Variants in STXBP5L observed in about 807,000 individuals in gnomAD.
STXBP5L encodes the protein syntaxin binding protein 5L.
Under a neutral mutation model 144.5 loss-of-function variants are expected in STXBP5L, and 65 were observed. That is an observed-to-expected ratio of 0.45 (90% CI 0.37 to 0.55). STXBP5L has a LOEUF of 0.55. Among genes scored for constraint, STXBP5L ranks in the 20% least tolerant of loss-of-function variants. The pLI is 0.00. For missense variants in STXBP5L, 1,298 were observed against 1,405.5 expected (o/e 0.92, Z 1.22); for synonymous variants, 505 against 469.6 (o/e 1.08, Z -0.97).
chr3:120,932,494 T>G (rs540428752), intron 2 of STXBP5L, among the ~76,000 whole-genome samples: 4 of 152,260 alleles, frequency 2.6e-5, no homozygotes, highest in African/African-American at 9.6e-5. Context: ...ATTTTTTGTG[T>G]AGCTAGGTGA....
intron 20 of STXBP5L, among the ~76,000 whole-genome samples, chr3:121,348,835 G>T (rs1220777184): frequency 2.0e-5 from 3 of 151,876 alleles, no homozygotes; most frequent in African/African-American, 4.8e-5. Context: ...GCATCTATTT[G>T]ATTCTTCTCT....
chr3:120,990,074 A>C (rs552954106), intron 3 of STXBP5L, among the ~76,000 whole-genome samples: 39 of 152,280 alleles, frequency 2.6e-4, no homozygotes, highest in African/African-American at 7.7e-4. Flanking sequence ...GTCTCAGCCC[A>C]AAATCTCCTT....
intron 3 of STXBP5L, among the ~76,000 whole-genome samples, chr3:121,021,125 T>C (rs961096519): frequency 6.6e-6 from 1 of 151,918 alleles, no homozygotes; most frequent in African/African-American, 2.4e-5. Context: ...AGCTATTTTT[T>C]AATATCAGAC....
At chr3:121,168,566 T>C (rs984204724) in intron 9 of STXBP5L, among the ~76,000 whole-genome samples, 1 of 152,108 alleles carries the variant, frequency 6.6e-6, no homozygotes, top group African/African-American at 2.4e-5. Flanking sequence ...ATAGCTGAAC[T>C]GATCAAGTGT....
chr3:121,345,711 T>C (rs1469128851), intron 20 of STXBP5L, among the ~76,000 whole-genome samples: 1 of 152,164 alleles, frequency 6.6e-6, no homozygotes, highest in African/African-American at 2.4e-5. Flanking sequence ...CTAACTGGCA[T>C]GAGATGGTAT....
chr3:121,318,837 A>G (rs1421578020), intron 20 of STXBP5L, among the ~76,000 whole-genome samples: 1 of 152,204 alleles, frequency 6.6e-6, no homozygotes, highest in Non-Finnish European at 1.5e-5. Context: ...GTATTGAATA[A>G]AAATTGGTGA....
chr3:121,232,687 A>G (rs2049346372), intron 11 of STXBP5L, among the ~76,000 whole-genome samples: 1 of 152,172 alleles, frequency 6.6e-6, no homozygotes, highest in Non-Finnish European at 1.5e-5. Flanking sequence ...CCCATGCACA[A>G]TGGAAAGCCA....
At chr3:120,926,356 C>CTTTTTT in intron 2 of STXBP5L, among the ~76,000 whole-genome samples, 2 of 139,740 alleles carry the variant, frequency 1.4e-5, no homozygotes, top group African/African-American at 2.6e-5. Context: ...GATGGCAGTT[C>CTTTTTT]TTTTTTTTTT....
chr3:121,331,169 A>G lies in STXBP5L; in HGVS notation c.2176+12629A>G, dbSNP rs557889145. Among the ~76,000 whole-genome samples, 40 of 152,342 alleles carry G rather than the reference A, an allele frequency of 2.6e-4. 1 individual carries two copies. The South Asian group carries it at 8.1e-3, about 31-fold the overall frequency. On this transcript the variant is annotated intron_variant, in intron 20 of 26. Transcript: ENST00000471454. ...AGAATCCAGATGGCAGGTCTTGAGT[A>G]CCAAACTTTCCACATGTGGGAAGTT...
At chr3:121,178,105 G>A (rs2047005601) in intron 9 of STXBP5L, among the ~76,000 whole-genome samples, 1 of 152,148 alleles carries the variant, frequency 6.6e-6, no homozygotes, top group African/African-American at 2.4e-5. Flanking sequence ...GAGAATGGTG[G>A]TTGCCAGAGG....
chr3:121,031,857 A>G (rs1178102074), intron 3 of STXBP5L, among the ~76,000 whole-genome samples: 1 of 152,118 alleles, frequency 6.6e-6, no homozygotes, highest in Non-Finnish European at 1.5e-5. Context: ...ATTGACTAAC[A>G]TAATATGCTG....
chr3:121,031,280 C>T (rs1414106297), intron 3 of STXBP5L, among the ~76,000 whole-genome samples: 1 of 151,922 alleles, frequency 6.6e-6, no homozygotes, highest in Non-Finnish European at 1.5e-5. Flanking sequence ...GAATACACAA[C>T]AATAGGATGT....
intron 10 of STXBP5L, among the ~76,000 whole-genome samples, chr3:121,217,198 T>C (rs2048808566): frequency 6.6e-6 from 1 of 152,168 alleles, no homozygotes; most frequent in Admixed American, 6.5e-5. Context: ...AATGGTTCTG[T>C]CTTGCTGGCA....
chr3:120,953,253 A>G (rs1937640643), intron 2 of STXBP5L, among the ~76,000 whole-genome samples: 1 of 152,056 alleles, frequency 6.6e-6, no homozygotes, highest in Admixed American at 6.6e-5. Context: ...CATTATAAAT[A>G]AGCAGCAGTG....
chr3:121,185,883 TG>T lies in STXBP5L; in HGVS notation c.878-20037del, dbSNP rs760565339. ...ATGGCATTGAATCTATAAATTACCT[TG>T]GGCAGTATTGCCATTTTCACAATAT... On this transcript the variant is annotated intron_variant, in intron 9 of 26. Transcript: ENST00000471454. Among the ~76,000 whole-genome samples the T allele has an allele frequency of 5.6e-4, 86 of 152,356 alleles. No homozygotes were observed. The Middle Eastern group carries it at 0.017, about 30-fold the overall frequency.
chr3:121,132,298 G>A (rs533681886), intron 7 of STXBP5L, among the ~76,000 whole-genome samples: 3 of 152,302 alleles, frequency 2.0e-5, no homozygotes, highest in African/African-American at 4.8e-5. Flanking sequence ...CTTTGGGGGT[G>A]CCAAAAGAAC....
chr3:121,004,517 C>T (rs1016108689), intron 3 of STXBP5L, among the ~76,000 whole-genome samples: 3 of 151,724 alleles, frequency 2.0e-5, no homozygotes. Context: ...TTGACTTCCT[C>T]TTTTCCTAAT....
At chr3:121,034,592 C>G (rs1334572530) in intron 3 of STXBP5L, among the ~76,000 whole-genome samples, 1 of 151,340 alleles carries the variant, frequency 6.6e-6, no homozygotes, top group Non-Finnish European at 1.5e-5. Flanking sequence ...ATGTATCTAT[C>G]TAGCTCACAT....
At chr3:121,280,077 T>C in intron 19 of STXBP5L, 121 bp downstream of exon 19, 1 of 1,210,010 alleles carries the variant, frequency 8.3e-7, no homozygotes. Context: ...ATCAACATAA[T>C]TTACAAAATC....
Sources: allele counts gnomAD v4.1 joint callset (sites outside exome capture counted in the v4.1 genomes callset), GRCh38; gene constraint gnomAD v4.1.1; transcripts MANE v1.5; gene names NCBI Gene and HGNC (gene_info 2026-07-23, HGNC 2026-07-21).